The following EFCAB7 variants were observed in gnomAD, a reference collection of about 807,000 sequenced individuals.
The protein encoded by EFCAB7 is EF-hand calcium binding domain 7, also known as EF-hand calcium-binding domain-containing protein 7.
A neutral mutation model predicts 77.1 loss-of-function variants in EFCAB7; 66 were observed. The ratio of observed to expected loss-of-function variants is 0.86; its 90% CI spans 0.70 to 1.05. The LOEUF is 1.05. Among genes scored for constraint, EFCAB7 ranks in the 50% least tolerant of loss-of-function variants. The pLI, the probability that EFCAB7 is intolerant of heterozygous loss-of-function variation, is 0.00. For synonymous variants in EFCAB7, 225 were observed against 243.3 expected (o/e 0.92, Z 0.70); for missense variants, 638 against 730.5 (o/e 0.87, Z 1.46).
At chr1:63,573,160 G>A (rs1456824308), downstream of EFCAB7, among the ~76,000 whole-genome samples, 5 of 152,044 alleles carry the variant, frequency 3.3e-5, no homozygotes, top group East Asian at 1.9e-4. Flanking sequence ...GTGTTGGGGC[G>A]GCGAAAATTT....
At chr1:63,555,667 A>G in intron 9 of EFCAB7, 152 bp downstream of exon 9, 1 of 616,948 alleles carries the variant, frequency 1.6e-6, no homozygotes, top group Non-Finnish European at 2.6e-6. Flanking sequence ...AACTTGGAGG[A>G]TGTTCTGCTA....
chr1:63,573,225 G>C (rs1647319769), downstream of EFCAB7, among the ~76,000 whole-genome samples: 1 of 152,154 alleles, frequency 6.6e-6, no homozygotes, highest in Non-Finnish European at 1.5e-5. Context: ...GCTGCTTCGA[G>C]TGGGATTAGG....
chr1:63,534,060 A>G (rs914856970), intron 5 of EFCAB7, 35 bp from the exon 6 acceptor site: 113 of 1,609,850 alleles, frequency 7.0e-5, no homozygotes, highest in Non-Finnish European at 9.2e-5. Context: ...ACAACTTTTC[A>G]TAATGTCAGA....
intron 2 of EFCAB7, among the ~76,000 whole-genome samples, chr1:63,526,665 AT>A (rs1415882701): frequency 4.6e-5 from 7 of 152,204 alleles, no homozygotes; most frequent in African/African-American, 1.7e-4. Context: ...GTCATGTTTA[AT>A]TTTGATTTAC....
the EFCAB7 span, among the ~76,000 whole-genome samples, chr1:63,581,382 T>TAA: frequency 1.2e-4 from 12 of 99,012 alleles, no homozygotes; most frequent in African/African-American, 2.9e-4. Context: ...TCCCGTCTCT[T>TAA]AAAAAAAAAA....
chr1:63,556,519 G>T (rs922011737), intron 9 of EFCAB7, among the ~76,000 whole-genome samples: 1 of 152,124 alleles, frequency 6.6e-6, no homozygotes, highest in Non-Finnish European at 1.5e-5. Context: ...TAGAGAGGAA[G>T]AAGAAAGTAG....
At chr1:63,580,948 GT>G in the EFCAB7 span, among the ~76,000 whole-genome samples, 4 of 145,198 alleles carry the variant, frequency 2.8e-5, no homozygotes, top group South Asian at 2.2e-4. Context: ...TCCTAGGAAG[GT>G]TTTTTTTTAT....
the EFCAB7 span, among the ~76,000 whole-genome samples, chr1:63,579,055 A>T: frequency 6.6e-6 from 1 of 152,152 alleles, no homozygotes; most frequent in African/African-American, 2.4e-5. Context: ...AAAAAAAATC[A>T]TACAGTAAAT....
At chr1:63,572,896 G>A (rs1446881288), downstream of EFCAB7, among the ~76,000 whole-genome samples, 2 of 152,056 alleles carry the variant, frequency 1.3e-5, no homozygotes, top group Non-Finnish European at 2.9e-5. Flanking sequence ...GGGCAGGGGC[G>A]GGAGTCACAA....
At chr1:63,531,638 T>C (rs1557670389) in intron 2 of EFCAB7, among the ~76,000 whole-genome samples, 182 bp from the exon 3 acceptor site, 1 of 152,164 alleles carries the variant, frequency 6.6e-6, no homozygotes, top group African/African-American at 2.4e-5. Context: ...GGCATAAATA[T>C]TTTTGTTTTT....
chr1:63,555,268 G>T lies in EFCAB7; in HGVS notation c.1057-90G>T, dbSNP rs1647017007. 5.9e-6 allele frequency: 8 copies of T among 1,353,726 alleles called. No individual in the cohort carries two copies. The Admixed American group carries it at 1.4e-4, about 23-fold the overall frequency. 83.9% of individuals were successfully genotyped at this position (1,353,726 alleles called of 1,614,324 possible). A position where few individuals can be genotyped will look rare whatever the true frequency, so the allele number is the denominator to read the frequency against. On this transcript the variant is annotated intron_variant, in intron 8 of 13. Transcript: ENST00000371088. Reference sequence around the variant, plus strand: ...TTGATTTAAAAATCATTTCTAATGTGTCCCTTTCAGAAGAAATATTAAAAG... The same window carrying T: ...TTGATTTAAAAATCATTTCTAATGTTTCCCTTTCAGAAGAAATATTAAAAG...
the EFCAB7 span, among the ~76,000 whole-genome samples, chr1:63,578,700 C>T: frequency 1.3e-5 from 2 of 152,078 alleles, no homozygotes; most frequent in African/African-American, 2.4e-5. Flanking sequence ...CTCGGCCTCC[C>T]AAAGTGCTGG....
intron 12 of EFCAB7, 51 bp downstream of exon 12, chr1:63,568,570 T>G (rs763007549): frequency 6.1e-5 from 84 of 1,367,464 alleles, no homozygotes; most frequent in Non-Finnish European, 8.3e-5. Context: ...CTTACTAATA[T>G]ATTTCATCTT....
At chr1:63,533,066 CAT>C (rs542383100) in intron 4 of EFCAB7, among the ~76,000 whole-genome samples, 113 of 152,202 alleles carry the variant, frequency 7.4e-4, no homozygotes, top group African/African-American at 2.5e-3. Context: ...AGTTAAAAAA[CAT>C]GTGTGCTCAC....
chr1:63,575,092 A>T (rs555404090), downstream of EFCAB7, among the ~76,000 whole-genome samples: 35 of 152,282 alleles, frequency 2.3e-4, no homozygotes, highest in African/African-American at 7.9e-4. Context: ...TTAGCAAATT[A>T]AAAAAACTAA....
At chr1:63,534,986 A>G (rs1646746921) in intron 6 of EFCAB7, among the ~76,000 whole-genome samples, 1 of 152,102 alleles carries the variant, frequency 6.6e-6, no homozygotes, top group African/African-American at 2.4e-5. Flanking sequence ...ATACACCCTA[A>G]GCAATTTGGT....
At chr1:63,571,770 G>A (rs1647268464) in intron 13 of EFCAB7, among the ~76,000 whole-genome samples, 2 of 150,212 alleles carry the variant, frequency 1.3e-5, no homozygotes, top group Admixed American at 1.3e-4. Flanking sequence ...GTACATGAAA[G>A]TACTTTTTAC....
intron 11 of EFCAB7, among the ~76,000 whole-genome samples, chr1:63,562,482 TATATATATATATAA>T (rs1647118883): frequency 1.0e-5 from 1 of 96,648 alleles, no homozygotes; most frequent in African/African-American, 4.9e-5. Context: ...TATATATATA[TATATATATATATAA>T]AACTTTTTTT....
At chr1:63,571,736 A>G (rs183958218) in intron 13 of EFCAB7, among the ~76,000 whole-genome samples, 1 of 151,986 alleles carries the variant, frequency 6.6e-6, no homozygotes, top group East Asian at 1.9e-4. Context: ...AAGTTAAAGT[A>G]AGGATAAAAA....
Sources: gnomAD v4.1 joint callset for allele counts (sites outside exome capture counted in the v4.1 genomes callset) on GRCh38, gnomAD v4.1.1 for gene constraint, MANE v1.5 for transcripts, NCBI Gene and HGNC (gene_info 2026-07-23, HGNC 2026-07-21) for gene names.